Variants in ALPK2 observed in about 807,000 individuals in gnomAD.
ALPK2 encodes alpha-protein kinase 2.
In ALPK2, 127 loss-of-function variants were observed where a neutral mutation model predicts 163.1. That is an observed-to-expected ratio of 0.78 (90% confidence interval 0.67 to 0.90). ALPK2 has a LOEUF of 0.90. Among genes scored for constraint, ALPK2 ranks in the 40% least tolerant of loss-of-function variants. The pLI is 0.00. For missense variants in ALPK2, 2,360 were observed against 2,589.6 expected, an observed-to-expected ratio of 0.91 and a Z score of 1.92; for synonymous variants, 953 against 959.1, an observed-to-expected ratio of 0.99 and a Z score of 0.12.
intron 1 of ALPK2, among the ~76,000 whole-genome samples, chr18:58,612,135 G>T (rs1030665789): frequency 6.8e-6 from 1 of 147,986 alleles, no homozygotes; most frequent in African/African-American, 2.7e-5. Context: ...CAGGGGAATG[G>T]GGGGGTGCCC....
At chr18:58,516,857 C>T (rs1406623533) in intron 9 of ALPK2, 51 bp downstream of exon 9, 1 of 1,583,100 alleles carries the variant, frequency 6.3e-7, no homozygotes, top group Admixed American at 1.7e-5. Context: ...CTCGTCTTAT[C>T]ATGGGTGGTT....
At chr18:58,513,625 C>G (rs906811963) in intron 10 of ALPK2, among the ~76,000 whole-genome samples, 1 of 152,196 alleles carries the variant, frequency 6.6e-6, no homozygotes, top group African/African-American at 2.4e-5. Flanking sequence ...GCCTATAACG[C>G]CAGCACTCTG....
intron 10 of ALPK2, among the ~76,000 whole-genome samples, chr18:58,506,968 C>G (rs2144116091): frequency 6.6e-6 from 1 of 152,220 alleles, no homozygotes; most frequent in East Asian, 1.9e-4. Context: ...TCTGATCTTA[C>G]AAATTTGTAA....
At chr18:58,595,019 C>T (rs147096556) in intron 3 of ALPK2, among the ~76,000 whole-genome samples, 6 of 152,314 alleles carry the variant, frequency 3.9e-5, no homozygotes, top group Non-Finnish European at 8.8e-5. Flanking sequence ...TATGTGTCTC[C>T]ATCTCACTCC....
chr18:58,593,563 CAAAAAAAA>C (rs34460316), intron 3 of ALPK2, among the ~76,000 whole-genome samples: 5 of 50,642 alleles, frequency 9.9e-5, no homozygotes, highest in African/African-American at 3.2e-4. Flanking sequence ...GACTCTGTCT[CAAAAAAAA>C]AAAAAAAAAA....
At chr18:58,527,143 C>T (rs189248981) in intron 6 of ALPK2, among the ~76,000 whole-genome samples, 3 of 152,278 alleles carry the variant, frequency 2.0e-5, no homozygotes, top group African/African-American at 7.2e-5. Context: ...TTCAAGAAGA[C>T]CTTTGCTCCA....
chr18:58,517,327 A>G, intron 8 of ALPK2, 145 bp from the exon 9 acceptor site: 1 of 775,866 alleles, frequency 1.3e-6, no homozygotes, highest in Non-Finnish European at 2.0e-6. Flanking sequence ...TAACCCTTCA[A>G]AAGAGGCATA....
chr18:58,485,788 G>T lies in ALPK2; in HGVS notation c.6297-3749C>A, dbSNP rs551767047. 1.6e-3 allele frequency among the ~76,000 whole-genome samples: 136 copies of T among 83,088 alleles called. 1 individual carries two copies. The highest frequency in any genetic ancestry group is 5.6e-3 in the African/African-American group (128 of 23,042). 54.5% of individuals were successfully genotyped at this position (83,088 alleles called of 152,430 possible). A position where few individuals can be genotyped will look rare whatever the true frequency, so the allele number is the denominator to read the frequency against. On this transcript the variant is annotated intron_variant, in intron 12 of 12. Transcript: ENST00000361673. Reference sequence around the variant, plus strand: ...GATGGTTTAATCCCACCTGCCACTGGGGGGGGACCCCGGTTGCTTCACACC... The same window carrying T: ...GATGGTTTAATCCCACCTGCCACTGTGGGGGGACCCCGGTTGCTTCACACC...
chr18:58,537,483 C>G lies in ALPK2; in HGVS notation c.2704G>C (p.Ala902Pro). ...STFTLNISHT[A>P]SEGATGENLA... Reference sequence around the variant, plus strand: ...TTTTCTCCTGTGGCACCTTCACTAGCTGTGTGTGAAATGTTCAAGGTGAAA... The same window carrying G: ...TTTTCTCCTGTGGCACCTTCACTAGGTGTGTGTGAAATGTTCAAGGTGAAA... The change falls in exon 5 of 13, where the codon GCT becomes CCT. Residue 902 changes from alanine (A) to proline (P), a missense_variant. Physicochemically the swap from Ala to Pro is conservative, Grantham distance 27 (BLOSUM62 -1). Coordinates refer to ENST00000361673, the MANE Select transcript of ALPK2 (RefSeq NM_052947.4). 1 of 1,611,910 alleles carries G rather than the reference C, an allele frequency of 6.2e-7. No homozygotes were observed. The highest frequency in any genetic ancestry group is 8.5e-7 in the Non-Finnish European group (1 of 1,178,500).
rs199755126 is a variant in ALPK2, at chr18:58,580,513, G to A, written c.263C>T (p.Ser88Leu). The change falls in exon 4 of 13, where the codon TCG becomes TTG. Residue 88 changes from serine (S) to leucine (L), a missense_variant. Coordinates refer to ENST00000361673, the MANE Select transcript of ALPK2 (RefSeq NM_052947.4). ...GATCATTCCAAAAGAGTTTTTAGCC[G>A]AGATTTGATAGACAGCAGCATCATT... ...TKNDAAVYQI[S>L]AKNSFGMICC... The A allele has an allele frequency of 9.9e-5, 159 of 1,613,742 alleles. No individual in the cohort carries two copies. The highest frequency in any genetic ancestry group is 1.3e-4 in the Non-Finnish European group (156 of 1,179,868).
chr18:58,543,373 C>T, intron 4 of ALPK2: 1 of 985,440 alleles, frequency 1.0e-6, no homozygotes, highest in Non-Finnish European at 1.2e-6. Flanking sequence ...CACCAGACCT[C>T]AGGCGGCTAT....
chr18:58,481,905 C>T lies in ALPK2; in HGVS notation c.6431G>A (p.Ser2144Asn). 1 of 1,614,180 alleles carries T rather than the reference C, an allele frequency of 6.2e-7. No homozygotes were observed. Among genetic ancestry groups the T allele is most frequent in the Non-Finnish European group, 8.5e-7 (1 of 1,180,040 alleles). The change falls in exon 13 of 13, where the codon AGC becomes AAC. Residue 2144 changes from serine to asparagine, a missense_variant. Coordinates refer to ENST00000361673, the MANE Select transcript of ALPK2 (RefSeq NM_052947.4). ...TGTTTGAACTTTGCTTTTCCCAATG[C>T]TCGGCTGCTTCTGTTTCTGGTTGTT... ...QNNNQKQKQP[S>N]IGKSKVQTNS...
chr18:58,500,445 T>G (rs2051425846), intron 11 of ALPK2, among the ~76,000 whole-genome samples: 1 of 152,246 alleles, frequency 6.6e-6, no homozygotes, highest in Non-Finnish European at 1.5e-5. Flanking sequence ...AAAGACAGAA[T>G]ATAATTTTTA....
chr18:58,513,668 G>A (rs2051506200), intron 10 of ALPK2, among the ~76,000 whole-genome samples: 1 of 152,186 alleles, frequency 6.6e-6, no homozygotes, highest in Non-Finnish European at 1.5e-5. Flanking sequence ...CTTGAGGCCA[G>A]GAGTTGTAGG....
intron 12 of ALPK2, among the ~76,000 whole-genome samples, chr18:58,489,044 A>G (rs895262820): frequency 2.0e-5 from 3 of 152,248 alleles, no homozygotes; most frequent in Non-Finnish European, 4.4e-5. Context: ...AAAAGCGGCC[A>G]TCTTGGAGCA....
intron 10 of ALPK2, among the ~76,000 whole-genome samples, chr18:58,508,808 C>G (rs1027717732): frequency 1.3e-5 from 2 of 152,122 alleles, no homozygotes; most frequent in African/African-American, 4.8e-5. Context: ...TTATTTCTTG[C>G]GTGAGATCCA....
intron 6 of ALPK2, among the ~76,000 whole-genome samples, chr18:58,528,484 C>T (rs1182143327): frequency 3.9e-5 from 6 of 152,060 alleles, no homozygotes; most frequent in African/African-American, 9.7e-5. Context: ...TGCAGTGAGC[C>T]GTGATTGCAC....
At chr18:58,559,875 C>A (rs527830712) in intron 4 of ALPK2, among the ~76,000 whole-genome samples, 1 of 152,310 alleles carries the variant, frequency 6.6e-6, no homozygotes, top group African/African-American at 2.4e-5. Flanking sequence ...TTTGAAATTA[C>A]CTACTCTGTC....
intron 4 of ALPK2, among the ~76,000 whole-genome samples, chr18:58,577,027 C>T (rs1169732245): frequency 1.3e-5 from 2 of 152,180 alleles, no homozygotes; most frequent in Non-Finnish European, 2.9e-5. Context: ...TCAGCTGATA[C>T]CTGGTGGAGT....
Sources: gnomAD v4.1 joint callset for allele counts (sites outside exome capture counted in the v4.1 genomes callset) on GRCh38, gnomAD v4.1.1 for gene constraint, MANE v1.5 for transcripts, NCBI Gene and HGNC (gene_info 2026-07-23, HGNC 2026-07-21) for gene names.